DPH6: variants seen among roughly 807,000 people sequenced by gnomAD.
DPH6 encodes diphthine--ammonia ligase.
In DPH6, 33 loss-of-function variants were observed where a neutral mutation model predicts 38.2. That is an observed-to-expected ratio of 0.86 (90% CI 0.65 to 1.15). DPH6 has a LOEUF of 1.15. Ranked by LOEUF, DPH6 falls within the 50% of genes most tolerant of loss-of-function variation. The pLI is 0.00. For synonymous variants in DPH6, 108 were observed against 103.0 expected, an observed-to-expected ratio of 1.05 and a Z score of -0.30; for missense variants, 325 against 320.0, an observed-to-expected ratio of 1.02 and a Z score of -0.12.
At chr15:35,389,168 T>C (rs1486812867) in intron 6 of DPH6, among the ~76,000 whole-genome samples, 1 of 152,228 alleles carries the variant, frequency 6.6e-6, no homozygotes, top group African/African-American at 2.4e-5. Flanking sequence ...AGTTTCTCAA[T>C]CCTGAGTTCT....
chr15:35,544,352 G>C (rs1249737900), intron 1 of DPH6, among the ~76,000 whole-genome samples: 1 of 151,926 alleles, frequency 6.6e-6, no homozygotes, highest in Admixed American at 6.6e-5. Context: ...GGGGCCTGTG[G>C]GGGTTTGGGG....
chr15:35,180,763 T>C, the DPH6 span, among the ~76,000 whole-genome samples: 2 of 152,258 alleles, frequency 1.3e-5, no homozygotes, highest in South Asian at 2.1e-4. Flanking sequence ...GCTGGGATTA[T>C]AGGCATAAGC....
chr15:35,343,252 A>C lies in DPH6; in HGVS notation n.208-12175T>G, dbSNP rs557115739. Among the ~76,000 whole-genome samples, 49 of 152,294 alleles carry C rather than the reference A, an allele frequency of 3.2e-4. 1 individual carries two copies. Among genetic ancestry groups the C allele is most frequent in the South Asian group, 6.2e-4 (3 of 4,830 alleles). ...GTATTTGTGCCTTAATTCTTAAAAT[A>C]CATTTTTGTAATGAATTGAATATTG... On this transcript the variant is annotated intron_variant and non_coding_transcript_variant, in intron 3 of 3. Transcript: ENST00000558973.
At chr15:35,266,953 A>G (rs972088717) in intron 3 of DPH6, among the ~76,000 whole-genome samples, 4 of 152,178 alleles carry the variant, frequency 2.6e-5, no homozygotes. Context: ...ACTGAGTAAA[A>G]TAATAATAAA....
chr15:35,271,176 C>A (rs1355343861), intron 3 of DPH6, among the ~76,000 whole-genome samples: 1 of 152,176 alleles, frequency 6.6e-6, no homozygotes, highest in African/African-American at 2.4e-5. Flanking sequence ...TCCCAAAAAG[C>A]TGCCATGCTG....
intron 3 of DPH6, among the ~76,000 whole-genome samples, chr15:35,535,506 G>T (rs1355087947): frequency 6.6e-6 from 1 of 152,038 alleles, no homozygotes; most frequent in Non-Finnish European, 1.5e-5. Context: ...AGAACAGAAA[G>T]AATATAATCC....
At chr15:35,412,380 T>C (rs1224327174) in intron 5 of DPH6, among the ~76,000 whole-genome samples, 7 of 151,662 alleles carry the variant, frequency 4.6e-5, no homozygotes, top group Admixed American at 6.6e-5. Flanking sequence ...CTATTGCTGA[T>C]TGGAATGCAA....
the DPH6 span, among the ~76,000 whole-genome samples, chr15:35,155,610 T>C: frequency 6.6e-6 from 1 of 152,210 alleles, no homozygotes; most frequent in East Asian, 1.9e-4. Context: ...AGCCACAGGC[T>C]TGGCTGTCCT....
At chr15:35,177,738 G>A in the DPH6 span, among the ~76,000 whole-genome samples, 1 of 151,692 alleles carries the variant, frequency 6.6e-6, no homozygotes, top group Non-Finnish European at 1.5e-5. Flanking sequence ...TCAGGAGTTC[G>A]AGACCAGCTT....
At chr15:35,362,205 T>C (rs1407846010) in intron 3 of DPH6, among the ~76,000 whole-genome samples, 1 of 152,180 alleles carries the variant, frequency 6.6e-6, no homozygotes, top group East Asian at 1.9e-4. Context: ...TCCAGTTTCC[T>C]TTTCAGAAGC....
chr15:35,307,495 C>A (rs1046815313), intron 3 of DPH6, among the ~76,000 whole-genome samples: 11 of 152,052 alleles, frequency 7.2e-5, no homozygotes, highest in African/African-American at 1.7e-4. Context: ...ACAGTCCCGA[C>A]CCTGTTTTTC....
chr15:35,413,819 T>C (rs974999153), intron 5 of DPH6, among the ~76,000 whole-genome samples: 19 of 151,782 alleles, frequency 1.3e-4, no homozygotes, highest in Non-Finnish European at 2.1e-4. Flanking sequence ...TTAAGCTTTA[T>C]ATATTTTTCT....
At chr15:35,393,243 G>A (rs1216596005) in intron 6 of DPH6, among the ~76,000 whole-genome samples, 1 of 152,128 alleles carries the variant, frequency 6.6e-6, no homozygotes, top group Non-Finnish European at 1.5e-5. Context: ...GGGATGGAGA[G>A]GAGAGAGTAG....
chr15:35,423,190 G>A (rs943820128), intron 5 of DPH6, among the ~76,000 whole-genome samples: 2 of 151,554 alleles, frequency 1.3e-5, no homozygotes, highest in African/African-American at 4.8e-5. Flanking sequence ...AGTATACAAG[G>A]GTTCCCTTTT....
chr15:35,261,701 C>T (rs1030965710), intron 3 of DPH6, among the ~76,000 whole-genome samples: 11 of 151,834 alleles, frequency 7.2e-5, no homozygotes, highest in African/African-American at 2.2e-4. Flanking sequence ...GGTGTGGTGG[C>T]GTATGCTTGT....
intron 3 of DPH6, among the ~76,000 whole-genome samples, chr15:35,254,423 A>T (rs2051693944): frequency 6.6e-6 from 1 of 152,216 alleles, no homozygotes; most frequent in Non-Finnish European, 1.5e-5. Context: ...GTAATTGTAA[A>T]TTAGGTACTG....
At chr15:35,314,546 T>C (rs1456384007) in intron 3 of DPH6, among the ~76,000 whole-genome samples, 2 of 152,104 alleles carry the variant, frequency 1.3e-5, no homozygotes, top group African/African-American at 4.8e-5. Context: ...TTCGAGAAGT[T>C]TCACAAAGGA....
chr15:35,163,276 C>T, the DPH6 span, among the ~76,000 whole-genome samples: 1 of 151,772 alleles, frequency 6.6e-6, no homozygotes, highest in Non-Finnish European at 1.5e-5. Flanking sequence ...AGTTTTACTG[C>T]CATTTATCTT....
intron 5 of DPH6, among the ~76,000 whole-genome samples, chr15:35,430,394 A>G (rs1321969605): frequency 1.5e-5 from 1 of 68,228 alleles, no homozygotes; most frequent in South Asian, 5.6e-4. Flanking sequence ...CTTCATACTG[A>G]AAAAAAAAAA....
Sources: gnomAD v4.1 joint callset for allele counts (sites outside exome capture counted in the v4.1 genomes callset) on GRCh38, gnomAD v4.1.1 for gene constraint, MANE v1.5 for transcripts, NCBI Gene and HGNC (gene_info 2026-07-23, HGNC 2026-07-21) for gene names.